Variants in ELMO1 observed in about 807,000 individuals in gnomAD.
ELMO1 encodes engulfment and cell motility 1.
A neutral mutation model predicts 98.9 loss-of-function variants in ELMO1; 26 were observed. The observed-to-expected ratio is 0.26, with a 90% CI of 0.19 to 0.36. The LOEUF (loss-of-function observed/expected upper bound fraction) is 0.36. Among genes scored for constraint, ELMO1 ranks in the 10% least tolerant of loss-of-function variants. The pLI is 1.00. For synonymous variants in ELMO1, 346 were observed against 346.0 expected (o/e 1.00, Z 0.00); for missense variants, 627 against 935.2 (o/e 0.67, Z 4.30).
chr7:37,114,967 A>G (rs1039659818), intron 14 of ELMO1, among the ~76,000 whole-genome samples: 7 of 152,178 alleles, frequency 4.6e-5, no homozygotes, highest in African/African-American at 1.7e-4. Context: ...GAATATTATG[A>G]ACAAGTCTAT....
intron 4 of ELMO1, among the ~76,000 whole-genome samples, chr7:37,293,246 T>C (rs9639754): frequency 7.5e-6 from 1 of 133,658 alleles, no homozygotes; most frequent in Non-Finnish European, 1.7e-5. Flanking sequence ...GAATGGGCCA[T>C]GATGACAATG....
chr7:37,412,712 T>A (rs1216146012), intron 1 of ELMO1, among the ~76,000 whole-genome samples: 1 of 152,158 alleles, frequency 6.6e-6, no homozygotes, highest in Non-Finnish European at 1.5e-5. Context: ...GCAGAGTGTG[T>A]GGGAAGCTAT....
chr7:37,147,222 C>A (rs145026201), intron 13 of ELMO1, among the ~76,000 whole-genome samples: 1 of 152,164 alleles, frequency 6.6e-6, no homozygotes, highest in Admixed American at 6.5e-5. Context: ...ACAAAGGTGC[C>A]TCATGAAAGA....
chr7:37,297,711 A>C (rs1237004443), intron 4 of ELMO1, among the ~76,000 whole-genome samples: 2 of 152,186 alleles, frequency 1.3e-5, no homozygotes, highest in Admixed American at 6.5e-5. Flanking sequence ...CCATTAGGAA[A>C]GTTTGACAAA....
intron 6 of ELMO1, among the ~76,000 whole-genome samples, chr7:37,249,994 G>A (rs1406733456): frequency 6.6e-6 from 1 of 152,140 alleles, no homozygotes; most frequent in Non-Finnish European, 1.5e-5. Context: ...CAGGAGGACT[G>A]CTTAAGCCCT....
At chr7:37,006,184 C>G (rs1201562077) in intron 16 of ELMO1, among the ~76,000 whole-genome samples, 3 of 152,202 alleles carry the variant, frequency 2.0e-5, no homozygotes, top group Non-Finnish European at 4.4e-5. Context: ...CACCCCCATA[C>G]AGAGGTATAA....
chr7:37,314,761 C>T (rs181292218), intron 4 of ELMO1, 89 bp downstream of exon 4: 29 of 1,238,902 alleles, frequency 2.3e-5, no homozygotes, highest in African/African-American at 3.0e-5. Context: ...AAATTTAGAC[C>T]TGCATGTCTA....
At chr7:37,024,943 G>A (rs1444484590) in intron 15 of ELMO1, among the ~76,000 whole-genome samples, 1 of 152,118 alleles carries the variant, frequency 6.6e-6, no homozygotes, top group Admixed American at 6.5e-5. Flanking sequence ...GTGAGATGTT[G>A]AACTGAAAGG....
chr7:37,315,968 A>G lies in ELMO1; in HGVS notation c.79-8T>C, dbSNP rs1799131120. 2 of 1,518,000 alleles carry G rather than the reference A, an allele frequency of 1.3e-6. No homozygotes were observed. The highest frequency in any genetic ancestry group is 4.8e-5 in the East Asian group (2 of 41,952). The allele number at this position is 1,518,000 out of a possible 1,614,324, so 94.0% of individuals were successfully genotyped here. ...TGCAGACAGTGGTTTTTTCTGCAAA[A>G]TAACAAAAAAGGAAATACTTGTTAG... On this transcript the variant is annotated splice_region_variant and splice_polypyrimidine_tract_variant and intron_variant, in intron 2 of 21. Transcript: ENST00000310758.
At chr7:37,175,889 A>T (rs1376041381) in intron 13 of ELMO1, among the ~76,000 whole-genome samples, 1 of 152,148 alleles carries the variant, frequency 6.6e-6, no homozygotes. Context: ...ACGACTCATG[A>T]TCACTTTAGA....
At chr7:37,324,283 G>A (rs1289478236) in intron 2 of ELMO1, among the ~76,000 whole-genome samples, 1 of 152,144 alleles carries the variant, frequency 6.6e-6, no homozygotes, top group Non-Finnish European at 1.5e-5. Context: ...TGCTGAGACT[G>A]GCAGCGCCCC....
chr7:37,159,158 A>AG (rs1789015688), intron 13 of ELMO1, among the ~76,000 whole-genome samples: 1 of 152,080 alleles, frequency 6.6e-6, no homozygotes, highest in Non-Finnish European at 1.5e-5. Flanking sequence ...TGTCGTGGGT[A>AG]GGGGGGCTGG....
At chr7:37,093,866 A>G (rs1301712627) in intron 15 of ELMO1, among the ~76,000 whole-genome samples, 1 of 152,362 alleles carries the variant, frequency 6.6e-6, no homozygotes, top group Non-Finnish European at 1.5e-5. Flanking sequence ...ATGGCAAGCA[A>G]TAAGTCAAAC....
chr7:37,260,492 A>G (rs1795923507), intron 5 of ELMO1, among the ~76,000 whole-genome samples: 1 of 152,120 alleles, frequency 6.6e-6, no homozygotes, highest in Non-Finnish European at 1.5e-5. Context: ...GGAATAGGGG[A>G]GGGAATCCAT....
intron 13 of ELMO1, among the ~76,000 whole-genome samples, chr7:37,160,656 A>AT (rs927311146): frequency 6.6e-6 from 1 of 152,180 alleles, no homozygotes; most frequent in African/African-American, 2.4e-5. Flanking sequence ...CAAAAGAATC[A>AT]TAAGTAGCCC....
chr7:37,253,110 C>A (rs546447308), intron 6 of ELMO1, among the ~76,000 whole-genome samples: 1 of 152,140 alleles, frequency 6.6e-6, no homozygotes, highest in Non-Finnish European at 1.5e-5. Context: ...GAAATGGGAA[C>A]GCTTTTACAC....
intron 16 of ELMO1, among the ~76,000 whole-genome samples, chr7:37,007,953 T>C (rs1399779872): frequency 6.6e-6 from 1 of 152,230 alleles, no homozygotes; most frequent in African/African-American, 2.4e-5. Flanking sequence ...GCACAGTCTC[T>C]GCTATTTTAA....
At chr7:37,113,339 G>A (rs1365406863) in intron 14 of ELMO1, among the ~76,000 whole-genome samples, 2 of 152,246 alleles carry the variant, frequency 1.3e-5, no homozygotes, top group African/African-American at 2.4e-5. Context: ...ATACTCTGTG[G>A]TTTTATGAGG....
intron 13 of ELMO1, among the ~76,000 whole-genome samples, chr7:37,139,187 C>T (rs1315095019): frequency 6.6e-6 from 1 of 152,060 alleles, no homozygotes; most frequent in Non-Finnish European, 1.5e-5. Flanking sequence ...CCACTTTCAC[C>T]ACTATTCAAC....
Sources: allele counts gnomAD v4.1 joint callset (sites outside exome capture counted in the v4.1 genomes callset), GRCh38; gene constraint gnomAD v4.1.1; transcripts MANE v1.5; gene names NCBI Gene and HGNC (gene_info 2026-07-23, HGNC 2026-07-21).